Variants in AOPEP observed in about 807,000 individuals in gnomAD.
AOPEP encodes aminopeptidase O (putative).
Under a neutral mutation model 98.1 loss-of-function variants are expected in AOPEP, and 77 were observed. That is an observed-to-expected ratio of 0.78 (90% CI 0.65 to 0.95). The LOEUF is 0.95. AOPEP is among the 40% of genes least tolerant of loss of function. The pLI, the probability that AOPEP is intolerant of heterozygous loss-of-function variation, is 0.00. For synonymous variants in AOPEP, 346 were observed against 365.3 expected, an observed-to-expected ratio of 0.95 and a Z score of 0.60; for missense variants, 1,024 against 1,024.7, an observed-to-expected ratio of 1.00 and a Z score of 0.01.
At chr9:94,862,136 C>T (rs564566033) in intron 5 of AOPEP, among the ~76,000 whole-genome samples, 2 of 152,320 alleles carry the variant, frequency 1.3e-5, no homozygotes, top group South Asian at 4.1e-4. Flanking sequence ...CCACCTCTAC[C>T]TAACAGTTTA....
chr9:94,994,807 C>T (rs902424378), intron 11 of AOPEP, among the ~76,000 whole-genome samples: 1 of 151,970 alleles, frequency 6.6e-6, no homozygotes, highest in Non-Finnish European at 1.5e-5. Context: ...CAAAATTAGC[C>T]GGGTGTGGTG....
intron 2 of AOPEP, chr9:94,763,295 A>C (rs919645845): frequency 8.7e-6 from 2 of 228,614 alleles, no homozygotes; most frequent in Non-Finnish European, 1.9e-5. Flanking sequence ...TCTTTTTTTA[A>C]ATTAGACAAA....
the AOPEP span, among the ~76,000 whole-genome samples, chr9:95,093,900 CCTCT>C: frequency 5.9e-5 from 9 of 152,226 alleles, no homozygotes; most frequent in African/African-American, 1.9e-4. Flanking sequence ...CATTATTCGG[CCTCT>C]CTGTGTTTGC....
chr9:94,964,183 C>T (rs1401076975), intron 9 of AOPEP, among the ~76,000 whole-genome samples: 1 of 152,216 alleles, frequency 6.6e-6, no homozygotes, highest in Non-Finnish European at 1.5e-5. Context: ...ATTTTGCGAT[C>T]CCCTGGGCCT....
At chr9:94,950,421 G>A (rs2058019144) in intron 7 of AOPEP, among the ~76,000 whole-genome samples, 1 of 152,130 alleles carries the variant, frequency 6.6e-6, no homozygotes, top group Non-Finnish European at 1.5e-5. Context: ...GGACTGCATG[G>A]GGCTTATGTT....
chr9:94,963,443 C>A (rs35383843), intron 9 of AOPEP, among the ~76,000 whole-genome samples: 1 of 151,876 alleles, frequency 6.6e-6, no homozygotes, highest in Non-Finnish European at 1.5e-5. Context: ...TGCGATGGAC[C>A]TGATTGGCAT....
chr9:95,087,499 AAAAAAAAAAAG>A (rs2070791814), downstream of AOPEP, among the ~76,000 whole-genome samples: 1 of 146,412 alleles, frequency 6.8e-6, no homozygotes, highest in Non-Finnish European at 1.5e-5. Flanking sequence ...AAAAAAAAAA[AAAAAAAAAAAG>A]CACGTACAAG....
chr9:95,106,112 C>T, the AOPEP span, among the ~76,000 whole-genome samples: 7 of 152,334 alleles, frequency 4.6e-5, no homozygotes, highest in East Asian at 3.9e-4. Context: ...CCGGTTCCCA[C>T]GCATCCTCAC....
At chr9:94,991,606 TA>T (rs2060897525) in intron 11 of AOPEP, among the ~76,000 whole-genome samples, 1 of 152,200 alleles carries the variant, frequency 6.6e-6, no homozygotes. Context: ...GAGTAGATAA[TA>T]AAGGAGTATG....
downstream of AOPEP, among the ~76,000 whole-genome samples, chr9:95,089,216 G>A (rs758574094): frequency 7.9e-5 from 12 of 152,204 alleles, no homozygotes; most frequent in Non-Finnish European, 1.2e-4. Flanking sequence ...AGAGCAAACC[G>A]GGGTCTCGGG....
chr9:94,781,530 T>C (rs1320091657), intron 3 of AOPEP, among the ~76,000 whole-genome samples: 14 of 143,764 alleles, frequency 9.7e-5, no homozygotes, highest in Non-Finnish European at 4.5e-5. Flanking sequence ...TATTTTCTTC[T>C]AGTAATTTTT....
rs1359539438 is a variant in AOPEP, at chr9:95,016,979, A to G, written c.2115+11363A>G. The stretch of plus-strand genomic sequence containing the variant: ...AACTACAAGTCACATAGCTCATGCT[A>G]TTAATTTATAATTATATATAATTAT... On this transcript the variant is annotated intron_variant, in intron 13 of 16. Coordinates refer to ENST00000375315, the MANE Select transcript of AOPEP (RefSeq NM_001193329.3). Among the ~76,000 whole-genome samples, 5 of 149,520 alleles carry G rather than the reference A, an allele frequency of 3.3e-5. No individual in the cohort carries two copies. The South Asian group carries it at 8.4e-4, about 25-fold the overall frequency.
chr9:94,944,672 C>G (rs1039885232), intron 7 of AOPEP, among the ~76,000 whole-genome samples: 1 of 152,160 alleles, frequency 6.6e-6, no homozygotes, highest in Non-Finnish European at 1.5e-5. Context: ...TCAAACAATC[C>G]TCCCACCTTG....
At chr9:94,960,983 C>T (rs1391002586) in intron 9 of AOPEP, among the ~76,000 whole-genome samples, 2 of 148,234 alleles carry the variant, frequency 1.3e-5, no homozygotes, top group East Asian at 1.9e-4. Context: ...CACTGCACTC[C>T]GGCCTGGGCG....
chr9:94,752,256 G>A (rs893917870), intron 1 of AOPEP, among the ~76,000 whole-genome samples: 35 of 152,012 alleles, frequency 2.3e-4, no homozygotes, highest in Non-Finnish European at 3.8e-4. Context: ...TAGTCTGTGG[G>A]CTTCTGGCCA....
the AOPEP span, chr9:95,101,921 G>A: frequency 2.5e-6 from 4 of 1,569,512 alleles, no homozygotes; most frequent in Non-Finnish European, 3.5e-6. Context: ...TCCAGGGACG[G>A]ACCATAACCA....
At chr9:94,792,581 A>G (rs1324262311) in intron 3 of AOPEP, among the ~76,000 whole-genome samples, 184 bp from the exon 4 acceptor site, 1 of 152,084 alleles carries the variant, frequency 6.6e-6, no homozygotes, top group Non-Finnish European at 1.5e-5. Flanking sequence ...CCTTGAAGCC[A>G]TCATCCCTCC....
At chr9:95,014,684 T>C (rs2062838734) in intron 13 of AOPEP, among the ~76,000 whole-genome samples, 1 of 152,232 alleles carries the variant, frequency 6.6e-6, no homozygotes, top group Admixed American at 6.5e-5. Context: ...AGTGGCGCTT[T>C]CTGAAGTACC....
At position 95,005,661 on chromosome 9, in the gene AOPEP, C is replaced by A. The variant is rs368131511; in HGVS notation, c.2115+45C>A. 44 of 1,508,380 alleles carry A rather than the reference C, an allele frequency of 2.9e-5. No homozygotes were observed. The Admixed American group carries it at 7.4e-4, about 25-fold the overall frequency. 93.4% of individuals were successfully genotyped at this position (1,508,380 alleles called of 1,614,324 possible). ...TACTCGGTGCAGGTCTTGGTAAATC[C>A]GCTTCTGCCCCGTGAGGACCTGGTC... is the stretch of plus-strand genomic sequence containing the variant. On this transcript the variant is annotated intron_variant, in intron 13 of 16. Transcript: ENST00000375315.
Sources: allele counts gnomAD v4.1 joint callset (sites outside exome capture counted in the v4.1 genomes callset), GRCh38; gene constraint gnomAD v4.1.1; transcripts MANE v1.5; gene names NCBI Gene and HGNC (gene_info 2026-07-23, HGNC 2026-07-21).